MTMR3: variants seen among roughly 807,000 people sequenced by gnomAD.
The protein encoded by MTMR3 is phosphatidylinositol-3,5-bisphosphate 3-phosphatase MTMR3.
MTMR3 carries 32 observed loss-of-function variants against 132.4 expected under a neutral mutation model. That is an observed-to-expected ratio of 0.24 (90% CI 0.18 to 0.32). MTMR3 has a LOEUF of 0.32. Among genes scored for constraint, MTMR3 ranks in the 10% least tolerant of loss-of-function variants. The pLI, the probability that MTMR3 is intolerant of heterozygous loss-of-function variation, is 1.00. For synonymous variants in MTMR3, 556 were observed against 550.3 expected (o/e 1.01, Z -0.14); for missense variants, 1,216 against 1,489.6 (o/e 0.82, Z 3.02).
chr22:29,940,891 C>G (rs769767214), intron 1 of MTMR3, among the ~76,000 whole-genome samples: 3 of 150,014 alleles, frequency 2.0e-5, no homozygotes, highest in Admixed American at 1.3e-4. Flanking sequence ...ACCAGGAGTT[C>G]ATATGCATTC....
chr22:29,891,723 G>A (rs1602412480), intron 1 of MTMR3, among the ~76,000 whole-genome samples: 1 of 151,804 alleles, frequency 6.6e-6, no homozygotes, highest in Non-Finnish European at 1.5e-5. Flanking sequence ...GTGAGCCACC[G>A]TGCATATGTT....
intron 1 of MTMR3, among the ~76,000 whole-genome samples, chr22:29,933,020 G>T (rs1418382452): frequency 2.0e-5 from 3 of 152,004 alleles, no homozygotes; most frequent in African/African-American, 7.3e-5. Flanking sequence ...TCAGGCTGGA[G>T]TGCAGTGGTG....
At position 29,963,138 on chromosome 22, in the gene MTMR3, T is replaced by G. The variant is rs186760760; in HGVS notation, c.-85+6050T>G. Reference sequence around the variant, plus strand: ...TTTTATTATTATTTTATAGAGATGGTGTTTTGCCATGTTGCCCGGGCTGGT... The same window carrying G: ...TTTTATTATTATTTTATAGAGATGGGGTTTTGCCATGTTGCCCGGGCTGGT... On this transcript the variant is annotated intron_variant, in intron 2 of 19. Coordinates refer to ENST00000401950, the MANE Select transcript of MTMR3 (RefSeq NM_021090.4). Among the ~76,000 whole-genome samples the G allele has an allele frequency of 4.5e-3, 681 of 152,038 alleles. 6 individuals are homozygous for G. Among genetic ancestry groups the G allele is most frequent in the African/African-American group, 0.015 (643 of 41,506 alleles).
At chr22:29,908,335 A>T (rs550136753) in intron 1 of MTMR3, among the ~76,000 whole-genome samples, 1 of 152,350 alleles carries the variant, frequency 6.6e-6, no homozygotes, top group East Asian at 1.9e-4. Flanking sequence ...CACTGTAGCT[A>T]CTGCTTCCTG....
At chr22:29,902,356 A>G (rs1399672899) in intron 1 of MTMR3, among the ~76,000 whole-genome samples, 1 of 151,040 alleles carries the variant, frequency 6.6e-6, no homozygotes, top group East Asian at 1.9e-4. Context: ...TCAATCATTG[A>G]CTTTTTTGTT....
At chr22:29,981,830 G>A (rs370471975) in intron 5 of MTMR3, 203 of 108,620 alleles carry the variant, frequency 1.9e-3, no homozygotes, top group African/African-American at 4.4e-3. Context: ...AAAAAAAAAA[G>A]GAAAAAAAAA....
intron 1 of MTMR3, among the ~76,000 whole-genome samples, chr22:29,899,374 T>C (rs1167859263): frequency 4.6e-5 from 7 of 152,298 alleles, no homozygotes; most frequent in African/African-American, 1.4e-4. Context: ...TTTAATTCCA[T>C]AGTATATAGT....
intron 1 of MTMR3, among the ~76,000 whole-genome samples, chr22:29,921,630 T>A (rs1431308218): frequency 2.0e-5 from 3 of 152,192 alleles, no homozygotes; most frequent in Non-Finnish European, 4.4e-5. Context: ...TCTCTAGAAC[T>A]TTTTCATCTT....
intron 2 of MTMR3, among the ~76,000 whole-genome samples, chr22:29,967,785 A>T (rs1010666429): frequency 2.0e-5 from 3 of 152,060 alleles, no homozygotes; most frequent in African/African-American, 7.2e-5. Flanking sequence ...TGGACATCTC[A>T]TACAAATGGA....
At chr22:30,022,169 A>C in intron 18 of MTMR3, 30 bp downstream of exon 18, 2 of 1,563,428 alleles carry the variant, frequency 1.3e-6, no homozygotes, top group Non-Finnish European at 1.8e-6. Flanking sequence ...TCTGAGTGCC[A>C]TCAATTTAAC....
intron 1 of MTMR3, among the ~76,000 whole-genome samples, chr22:29,913,744 T>G (rs2065257514): frequency 6.6e-6 from 1 of 151,060 alleles, no homozygotes; most frequent in Non-Finnish European, 1.5e-5. Context: ...TTTTTCCAGG[T>G]TTTGGGTTTA....
intron 17 of MTMR3, chr22:30,021,467 A>AGGTTCTCAAG (rs5844885): frequency 6.3e-6 from 1 of 157,688 alleles, no homozygotes; most frequent in South Asian, 1.9e-4. Context: ...GAGGTTCTCA[A>AGGTTCTCAAG]GGAGGTGCTT....
At chr22:30,012,103 C>G (rs909561790) in intron 12 of MTMR3, 3 of 332,750 alleles carry the variant, frequency 9.0e-6, no homozygotes, top group Middle Eastern at 8.5e-4. Context: ...AAATATTTTG[C>G]CCGGGGAATC....
rs190265293 is a variant in MTMR3, at chr22:29,914,049, C to T, written c.-138+30690C>T. On this transcript the variant is annotated intron_variant, in intron 1 of 19. Coordinates refer to ENST00000401950, the MANE Select transcript of MTMR3 (RefSeq NM_021090.4). ...ACAGGCATGAGCCACCACGCCCGGC[C>T]CAGTTTTTGGCTATTACGAATAAAT... Among the ~76,000 whole-genome samples the T allele has an allele frequency of 1.2e-3, 182 of 152,204 alleles. 1 individual carries two copies. Among genetic ancestry groups the T allele is most frequent in the South Asian group, 3.5e-3 (17 of 4,816 alleles).
chr22:29,978,699 T>A (rs1417812630), intron 4 of MTMR3, among the ~76,000 whole-genome samples, 168 bp downstream of exon 4: 1 of 152,200 alleles, frequency 6.6e-6, no homozygotes, highest in Non-Finnish European at 1.5e-5. Flanking sequence ...TTCCTGAGAA[T>A]CCACTGTTTA....
rs1389027049 is a variant in MTMR3 at position 29,949,127 on chromosome 22, ACACACACACACACACACCCCC to A, written c.-137-7907_-137-7887del. 3.4e-3 allele frequency among the ~76,000 whole-genome samples: 105 copies of A among 30,724 alleles called. 1 individual carries two copies. Among genetic ancestry groups the A allele is most frequent in the Non-Finnish European group, 4.3e-3 (74 of 17,200 alleles). The allele number at this position is 30,724 out of a possible 152,430, so 20.2% of individuals were successfully genotyped here. ...CACACACACACACACACACACACAC[ACACACACACACACACACCCCC>A]CCCCCCCCCCCCGAGGCCCTGTCTT... On this transcript the variant is annotated intron_variant, in intron 1 of 19. Coordinates refer to ENST00000401950, the MANE Select transcript of MTMR3 (RefSeq NM_021090.4).
At chr22:29,988,394 T>C (rs922351455) in intron 5 of MTMR3, 86 bp from the exon 6 acceptor site, 9 of 941,588 alleles carry the variant, frequency 9.6e-6, no homozygotes, top group Non-Finnish European at 1.3e-5. Context: ...TTATAGATCT[T>C]TTTAATTAGT....
intron 1 of MTMR3, among the ~76,000 whole-genome samples, chr22:29,886,792 A>G (rs1811416099): frequency 6.6e-6 from 1 of 152,160 alleles, no homozygotes; most frequent in African/African-American, 2.4e-5. Context: ...TGCTGTTGTA[A>G]TTGGCTTAGT....
At chr22:29,934,344 A>G (rs1338649051) in intron 1 of MTMR3, among the ~76,000 whole-genome samples, 1 of 151,940 alleles carries the variant, frequency 6.6e-6, no homozygotes, top group African/African-American at 2.4e-5. Context: ...GTAGAGAGAG[A>G]CTCTGTCTCA....
Sources: allele counts gnomAD v4.1 joint callset (sites outside exome capture counted in the v4.1 genomes callset), GRCh38; gene constraint gnomAD v4.1.1; transcripts MANE v1.5; gene names NCBI Gene and HGNC (gene_info 2026-07-23, HGNC 2026-07-21).